NT5DC1: variants seen among roughly 807,000 people sequenced by gnomAD.
NT5DC1 encodes the protein 5'-nucleotidase domain containing 1.
NT5DC1 carries 42 observed loss-of-function variants against 59.4 expected under a neutral mutation model. The ratio of observed to expected loss-of-function variants is 0.71; its 90% confidence interval spans 0.55 to 0.92. NT5DC1 has a LOEUF of 0.92. Among genes scored for constraint, NT5DC1 ranks in the 40% least tolerant of loss-of-function variants. NT5DC1 has a pLI of 0.00. For synonymous variants in NT5DC1, 172 were observed against 188.1 expected, an observed-to-expected ratio of 0.91 and a Z score of 0.70; for missense variants, 501 against 537.1, an observed-to-expected ratio of 0.93 and a Z score of 0.66.
intron 6 of NT5DC1, among the ~76,000 whole-genome samples, chr6:116,209,226 C>G (rs1055351007): frequency 4.6e-5 from 7 of 152,030 alleles, no homozygotes; most frequent in African/African-American, 1.4e-4. Context: ...CTTTGGGCAC[C>G]AAGAGACAAA....
rs189523784 is a variant in NT5DC1 at position 116,241,652 on chromosome 6, G to A, written c.1253-2257G>A. Among the ~76,000 whole-genome samples the A allele has an allele frequency of 1.8e-3, 268 of 152,262 alleles. 1 individual carries two copies. The highest frequency in any genetic ancestry group is 6.1e-3 in the African/African-American group (253 of 41,552). On this transcript the variant is annotated intron_variant, in intron 11 of 11. Coordinates refer to ENST00000319550, the MANE Select transcript of NT5DC1 (RefSeq NM_152729.3). ...AAGAATCAGCAAGACGGCCGGGTGC[G>A]GTGGCTCACGCCTGTAATCCCAGCA...
At chr6:116,236,360 T>G (rs1445559495) in intron 8 of NT5DC1, among the ~76,000 whole-genome samples, 1 of 152,164 alleles carries the variant, frequency 6.6e-6, no homozygotes, top group Admixed American at 6.5e-5. Flanking sequence ...GGCAAAGACA[T>G]TTACCTCTTT....
At chr6:116,210,948 A>G (rs1203290187) in intron 6 of NT5DC1, among the ~76,000 whole-genome samples, 1 of 151,992 alleles carries the variant, frequency 6.6e-6, no homozygotes, top group Non-Finnish European at 1.5e-5. Flanking sequence ...TGCCTCCCAG[A>G]AGTCACACCT....
chr6:116,115,751 TG>T lies in NT5DC1; in HGVS notation c.427del (p.Val143TrpfsTer4). 1 of 1,589,468 alleles carries T rather than the reference TG, an allele frequency of 6.3e-7. No homozygotes were observed. Among genetic ancestry groups the T allele is most frequent in the Non-Finnish European group, 8.6e-7 (1 of 1,157,706 alleles). On this transcript the variant is annotated frameshift_variant, in exon 5 of 12. Coordinates refer to ENST00000319550, the MANE Select transcript of NT5DC1 (RefSeq NM_152729.3). LOFTEE classifies it high-confidence loss of function. ...DLPGALLCAR[V>X]VDYLTKLNNG... Reference sequence around the variant, plus strand: ...CCAGGAGCTCTTCTGTGTGCCAGGGTGGTGGACTATTTAACAAAAGTAAGTG... The same window carrying T: ...CCAGGAGCTCTTCTGTGTGCCAGGGTGTGGACTATTTAACAAAAGTAAGTG...
chr6:116,107,695 C>T (rs1778791868), intron 2 of NT5DC1, among the ~76,000 whole-genome samples: 2 of 151,566 alleles, frequency 1.3e-5, no homozygotes, highest in Non-Finnish European at 3.0e-5. Context: ...GCCTCAGCCT[C>T]CTGAGTAGCT....
intron 11 of NT5DC1, among the ~76,000 whole-genome samples, chr6:116,242,928 C>T (rs1771764920): frequency 6.6e-6 from 1 of 152,092 alleles, no homozygotes; most frequent in Non-Finnish European, 1.5e-5. Context: ...GTAGCCCTTA[C>T]CACCAGCCAG....
intron 6 of NT5DC1, among the ~76,000 whole-genome samples, chr6:116,144,499 CAA>C (rs542743486): frequency 7.2e-5 from 9 of 125,036 alleles, no homozygotes; most frequent in African/African-American, 1.2e-4. Context: ...GACTCCGTCT[CAA>C]AAAAAAAAAA....
At chr6:116,192,584 T>C (rs1266009709) in intron 6 of NT5DC1, among the ~76,000 whole-genome samples, 1 of 152,056 alleles carries the variant, frequency 6.6e-6, no homozygotes, top group South Asian at 2.1e-4. Flanking sequence ...TGATATAAAG[T>C]CAAAAATCAA....
At chr6:116,138,076 CA>C (rs552070297) in intron 6 of NT5DC1, among the ~76,000 whole-genome samples, 1 of 148,330 alleles carries the variant, frequency 6.7e-6, no homozygotes, top group African/African-American at 2.5e-5. Context: ...AGACTCTGCT[CA>C]AAAAAAAAGA....
intron 6 of NT5DC1, among the ~76,000 whole-genome samples, chr6:116,178,280 G>C (rs1474812): frequency 6.6e-6 from 1 of 152,140 alleles, no homozygotes; most frequent in South Asian, 2.1e-4. Flanking sequence ...GCCCGACCCT[G>C]CTTCGCTTCT....
chr6:116,217,229 A>G (rs1414852778), intron 6 of NT5DC1, among the ~76,000 whole-genome samples: 2 of 152,196 alleles, frequency 1.3e-5, no homozygotes, highest in African/African-American at 4.8e-5. Flanking sequence ...TATTCAGGCC[A>G]TTTGATGTGC....
rs750527856 is a variant in NT5DC1 at position 116,121,158 on chromosome 6, C to T, written c.529+3213C>T. ...GCTGGCCCTTGTTCCCCTTTGGCAC[C>T]TGGACCCCCAGGAAGGCCAGCAGGT... On this transcript the variant is annotated intron_variant, in intron 6 of 11. Coordinates refer to ENST00000319550, the MANE Select transcript of NT5DC1 (RefSeq NM_152729.3). 2 of 1,613,086 alleles carry T rather than the reference C, an allele frequency of 1.2e-6. No homozygotes were observed. The highest frequency in any genetic ancestry group is 2.7e-5 in the African/African-American group (2 of 74,868).
intron 6 of NT5DC1, among the ~76,000 whole-genome samples, chr6:116,215,540 T>G (rs772513470): frequency 6.6e-6 from 1 of 152,170 alleles, no homozygotes; most frequent in Non-Finnish European, 1.5e-5. Flanking sequence ...TGTCATCAGA[T>G]CCATCTGCTG....
intron 6 of NT5DC1, among the ~76,000 whole-genome samples, chr6:116,174,845 AAT>A (rs1219558944): frequency 2.6e-5 from 4 of 152,172 alleles, no homozygotes; most frequent in Non-Finnish European, 5.9e-5. Flanking sequence ...TGGGATTATT[AAT>A]AGTTCCCTAC....
At chr6:116,159,785 C>T (rs1780285520) in intron 6 of NT5DC1, among the ~76,000 whole-genome samples, 1 of 152,180 alleles carries the variant, frequency 6.6e-6, no homozygotes, top group Non-Finnish European at 1.5e-5. Context: ...CCCCCAGCCC[C>T]CACCTTTTGG....
chr6:116,155,713 C>A (rs1582840238), intron 6 of NT5DC1, among the ~76,000 whole-genome samples: 2 of 109,042 alleles, frequency 1.8e-5, no homozygotes, highest in South Asian at 2.7e-4. Context: ...GGTGAATAAA[C>A]AACACTGCAT....
intron 8 of NT5DC1, among the ~76,000 whole-genome samples, chr6:116,230,323 A>G (rs557098164): frequency 1.3e-5 from 2 of 152,354 alleles, no homozygotes; most frequent in East Asian, 3.9e-4. Flanking sequence ...CCTAAGGCTA[A>G]TTGTACAGTC....
intron 6 of NT5DC1, among the ~76,000 whole-genome samples, chr6:116,193,078 A>C (rs992375336): frequency 1.3e-5 from 2 of 152,102 alleles, no homozygotes; most frequent in African/African-American, 4.8e-5. Flanking sequence ...TCCGTGCCTT[A>C]CAGACTCTCA....
At chr6:116,105,396 TAGA>T (rs1385388601) in intron 1 of NT5DC1, among the ~76,000 whole-genome samples, 1 of 152,174 alleles carries the variant, frequency 6.6e-6, no homozygotes, top group Non-Finnish European at 1.5e-5. Context: ...TTAATATCTG[TAGA>T]AGAAGGGTCA....
Sources: allele counts gnomAD v4.1 joint callset (sites outside exome capture counted in the v4.1 genomes callset), GRCh38; gene constraint gnomAD v4.1.1; transcripts MANE v1.5; gene names NCBI Gene and HGNC (gene_info 2026-07-23, HGNC 2026-07-21).